The following CERKL variants were observed in gnomAD, a reference collection of about 807,000 sequenced individuals.
The protein encoded by CERKL is ceramide kinase-like protein.
Under a neutral mutation model 63.4 loss-of-function variants are expected in CERKL, and 61 were observed. The ratio of observed to expected loss-of-function variants is 0.96; its 90% confidence interval spans 0.78 to 1.19. The LOEUF (loss-of-function observed/expected upper bound fraction) is 1.19, where lower values mean the gene tolerates loss of function less well. Ranked by LOEUF, CERKL falls within the 50% of genes most tolerant of loss-of-function variation. The probability of loss-of-function intolerance (pLI) is 0.00; values close to 1 mark genes in which losing one functional copy is unlikely to be tolerated. For missense variants in CERKL, 675 were observed against 655.5 expected, an observed-to-expected ratio of 1.03 and a Z score of -0.33; for synonymous variants, 250 against 230.5, an observed-to-expected ratio of 1.08 and a Z score of -0.77.
chr2:181,649,011 G>A (rs1235466688), intron 1 of CERKL, among the ~76,000 whole-genome samples: 3 of 152,048 alleles, frequency 2.0e-5, no homozygotes, highest in Non-Finnish European at 2.9e-5. Context: ...AAGAAGAACT[G>A]AGAATCTACA....
intron 3 of CERKL, among the ~76,000 whole-genome samples, chr2:181,569,871 A>G (rs1688829494): frequency 6.6e-6 from 1 of 152,152 alleles, no homozygotes; most frequent in Non-Finnish European, 1.5e-5. Flanking sequence ...TAAAAATTAC[A>G]AAGAGGCGAA....
chr2:181,565,365 C>G lies in CERKL; in HGVS notation c.677+693G>C, dbSNP rs1688616574. The G allele has an allele frequency of 2.9e-6, 3 of 1,030,076 alleles. No individual in the cohort carries two copies. The East Asian group carries it at 7.1e-5, about 25-fold the overall frequency. The allele number at this position is 1,030,076 out of a possible 1,614,324, so 63.8% of individuals were successfully genotyped here. On this transcript the variant is annotated intron_variant, in intron 4 of 12. Coordinates refer to ENST00000410087, the MANE Select transcript of CERKL (RefSeq NM_201548.5). ...TATAATATGTTTTAGTCTTACACAT[C>G]AGTCCAACACTTTAGCAAATTGGTT...
At chr2:181,618,618 T>A (rs185196703) in intron 1 of CERKL, among the ~76,000 whole-genome samples, 23 of 152,152 alleles carry the variant, frequency 1.5e-4, no homozygotes, top group African/African-American at 5.3e-4. Context: ...GGTTTCACCA[T>A]GTTGGCTGGT....
At chr2:181,592,483 T>C (rs1355644529) in intron 2 of CERKL, among the ~76,000 whole-genome samples, 4 of 152,144 alleles carry the variant, frequency 2.6e-5, no homozygotes, top group Non-Finnish European at 4.4e-5. Flanking sequence ...CTATCACTTT[T>C]TGAGTATTTA....
chr2:181,609,251 C>T (rs533147416), intron 1 of CERKL, among the ~76,000 whole-genome samples: 3 of 116,666 alleles, frequency 2.6e-5, no homozygotes, highest in Admixed American at 9.8e-5. Flanking sequence ...TGCTATCCCT[C>T]CCCCCTCCCC....
At chr2:181,548,149 G>A (rs544429547) in intron 8 of CERKL, 45 of 545,806 alleles carry the variant, frequency 8.2e-5, no homozygotes, top group Non-Finnish European at 1.2e-4. Context: ...AAATTATCAC[G>A]AGGGACAAAA....
chr2:181,608,932 A>T (rs1321245556), intron 1 of CERKL, among the ~76,000 whole-genome samples: 3 of 151,980 alleles, frequency 2.0e-5, no homozygotes, highest in African/African-American at 7.3e-5. Context: ...TAATGGAGAT[A>T]AAAAAAATTC....
At chr2:181,548,188 T>A (rs1251269784) in intron 8 of CERKL, 1 of 521,426 alleles carries the variant, frequency 1.9e-6, no homozygotes, top group Non-Finnish European at 3.4e-6. Context: ...TTTTGGTGCA[T>A]TGTTGTATTC....
intron 2 of CERKL, among the ~76,000 whole-genome samples, chr2:181,582,785 C>A (rs946609754): frequency 6.6e-6 from 1 of 152,034 alleles, no homozygotes; most frequent in East Asian, 1.9e-4. Flanking sequence ...TTCAGGTGAT[C>A]CGCCCACCTC....
intron 1 of CERKL, among the ~76,000 whole-genome samples, chr2:181,625,499 TA>T (rs1008244289): frequency 2.7e-4 from 41 of 152,316 alleles, no homozygotes; most frequent in African/African-American, 9.6e-4. Context: ...TGCCATGTTT[TA>T]AATGAGAATG....
chr2:181,604,699 T>C (rs1396060440), intron 1 of CERKL, among the ~76,000 whole-genome samples: 2 of 152,146 alleles, frequency 1.3e-5, no homozygotes, highest in African/African-American at 4.8e-5. Flanking sequence ...AGTGACTTTA[T>C]GACAAATTGT....
intron 1 of CERKL, among the ~76,000 whole-genome samples, chr2:181,614,729 C>T (rs1292224528): frequency 2.0e-5 from 3 of 152,060 alleles, no homozygotes; most frequent in African/African-American, 7.2e-5. Flanking sequence ...CAGCCCAATA[C>T]ATACAGACAG....
At position 181,564,564 on chromosome 2, in the gene CERKL, G is replaced by A. The variant is rs142174068; in HGVS notation, c.677+1494C>T. Among the ~76,000 whole-genome samples, 7 of 152,220 alleles carry A rather than the reference G, an allele frequency of 4.6e-5. No individual in the cohort carries two copies. In the East Asian group the frequency reaches 9.7e-4, roughly 21 times the overall value. On this transcript the variant is annotated intron_variant, in intron 4 of 12. Coordinates refer to ENST00000410087, the MANE Select transcript of CERKL (RefSeq NM_201548.5). The stretch of plus-strand genomic sequence containing the variant: ...ATTATTGTACTACACTTCAGCAATC[G>A]TCTTTCTTCATTCTGCAAAGTTCTT...
chr2:181,547,815 G>A lies in CERKL; in HGVS notation c.1159+7C>T, dbSNP rs771214260. 5.0e-6 allele frequency: 8 copies of A among 1,613,734 alleles called. No individual in the cohort carries two copies. The highest frequency in any genetic ancestry group is 2.2e-5 in the South Asian group (2 of 91,066). ...CACAGTTCTCAAGGAGATACTTTTC[G>A]ACTCACCAGATTTGGGAGATCCCTG... On this transcript the variant is annotated splice_region_variant and intron_variant, in intron 9 of 12. Coordinates refer to ENST00000410087, the MANE Select transcript of CERKL (RefSeq NM_201548.5).
At chr2:181,553,340 T>C (rs1450729659) in intron 5 of CERKL, among the ~76,000 whole-genome samples, 1 of 152,158 alleles carries the variant, frequency 6.6e-6, no homozygotes, top group African/African-American at 2.4e-5. Flanking sequence ...GTAAAGATTT[T>C]GGAGGAGGCC....
At chr2:181,596,119 C>T (rs1467918594) in intron 2 of CERKL, among the ~76,000 whole-genome samples, 3 of 152,016 alleles carry the variant, frequency 2.0e-5, no homozygotes, top group African/African-American at 4.8e-5. Flanking sequence ...ATTGTTTCTC[C>T]GAAGAAGTTT....
rs764002017 is a variant in CERKL at position 181,537,447 on chromosome 2, T to C, written c.*737A>G. On this transcript the variant is annotated 3_prime_UTR_variant, in exon 13 of 13. Coordinates refer to ENST00000410087, the MANE Select transcript of CERKL (RefSeq NM_201548.5). ...CTTACTTTGTTACTTGTATCATGAA[T>C]TTTAAAACCCTACCACTTTAAGAAG... 1.1e-4 allele frequency: 50 copies of C among 453,948 alleles called. 1 individual carries two copies. Among genetic ancestry groups the C allele is most frequent in the South Asian group, 7.8e-4 (50 of 64,464 alleles). 28.1% of individuals were successfully genotyped at this position (453,948 alleles called of 1,614,324 possible).
intron 2 of CERKL, among the ~76,000 whole-genome samples, chr2:181,594,551 T>G (rs1477551239): frequency 6.6e-5 from 10 of 152,214 alleles, no homozygotes; most frequent in African/African-American, 2.4e-4. Context: ...TGGCATCAGA[T>G]GCTATGAAGG....
chr2:181,547,700 G>A lies in CERKL; in HGVS notation c.1186C>T (p.Gln396Ter), dbSNP rs1320937250. 6.2e-7 allele frequency: 1 copy of A among 1,613,996 alleles called. No homozygotes were observed. Among genetic ancestry groups the A allele is most frequent in the Non-Finnish European group, 8.5e-7 (1 of 1,179,934 alleles). Residue 396 changes from glutamine to a stop codon, truncating the protein, a stop_gained, in exon 10 of 13, where the codon CAG becomes TAG. Coordinates refer to ENST00000410087, the MANE Select transcript of CERKL (RefSeq NM_201548.5). LOFTEE classifies it high-confidence loss of function. ...ATGCTGACATTCAAGAACTGACCCT[G>A]GATCATTTGCCATTGATCATTACAG... ...SDCNDQWQMI[Q>*]GQFLNVSIMA...
Sources: allele counts gnomAD v4.1 joint callset (sites outside exome capture counted in the v4.1 genomes callset), GRCh38; gene constraint gnomAD v4.1.1; transcripts MANE v1.5; gene names NCBI Gene and HGNC (gene_info 2026-07-23, HGNC 2026-07-21).